PSMG2: variants seen among roughly 807,000 people sequenced by gnomAD.
PSMG2 encodes the protein proteasome assembly chaperone 2, also known as CD40 ligand-activated specific transcript 3.
In PSMG2, 21 loss-of-function variants were observed where a neutral mutation model predicts 31.5. That is an observed-to-expected ratio of 0.67 (90% CI 0.47 to 0.96). The LOEUF (loss-of-function observed/expected upper bound fraction) is 0.96. Ranked by LOEUF, PSMG2 falls within the 40% of genes least tolerant of loss-of-function variation. The pLI is 0.00. For missense variants in PSMG2, 318 were observed against 321.2 expected (o/e 0.99, Z 0.08); for synonymous variants, 120 against 110.4 (o/e 1.09, Z -0.54).
chr18:12,694,039 C>T (rs2039863848), intron 1 of PSMG2, among the ~76,000 whole-genome samples: 1 of 152,024 alleles, frequency 6.6e-6, no homozygotes, highest in Non-Finnish European at 1.5e-5. Context: ...CACTATGTTG[C>T]CCAAGCTGGT....
chr18:12,665,751 G>A (rs1036681487), intron 1 of PSMG2, among the ~76,000 whole-genome samples: 4 of 152,082 alleles, frequency 2.6e-5, no homozygotes, highest in African/African-American at 9.7e-5. Flanking sequence ...AGACTGGAGT[G>A]CATTGGCACA....
chr18:12,663,344 C>T (rs551144349), intron 1 of PSMG2: 1 of 152,342 alleles, frequency 6.6e-6, no homozygotes, highest in Admixed American at 6.5e-5. Flanking sequence ...ATGATCTCAG[C>T]TCACTGCAAT....
chr18:12,681,863 G>GT (rs2039360877), intron 1 of PSMG2, among the ~76,000 whole-genome samples: 2 of 151,960 alleles, frequency 1.3e-5, no homozygotes, highest in Admixed American at 1.3e-4. Context: ...GGGTATGGTG[G>GT]TGTGTGCCTG....
chr18:12,717,805 C>T (rs2040391945), intron 3 of PSMG2, among the ~76,000 whole-genome samples: 1 of 152,148 alleles, frequency 6.6e-6, no homozygotes, highest in Admixed American at 6.5e-5. Context: ...GTGGAGCATT[C>T]TCCATTCATC....
At chr18:12,666,153 CAA>C (rs35334528) in intron 1 of PSMG2, among the ~76,000 whole-genome samples, 46,542 of 116,850 alleles carry the variant, frequency 0.4, 7,364 homozygotes, top group Middle Eastern at 0.47. Context: ...CTCATCTCTA[CAA>C]AAAAAAAAAA....
chr18:12,688,926 AAC>A (rs2039646563), intron 1 of PSMG2, among the ~76,000 whole-genome samples: 1 of 152,110 alleles, frequency 6.6e-6, no homozygotes, highest in Non-Finnish European at 1.5e-5. Context: ...CATCCTGGCT[AAC>A]ACAGTGAAAC....
intron 2 of PSMG2, among the ~76,000 whole-genome samples, chr18:12,708,959 G>C (rs960604126): frequency 8.6e-5 from 13 of 151,992 alleles, no homozygotes; most frequent in African/African-American, 2.9e-4. Flanking sequence ...TGATCCGCCT[G>C]CCTCGTCCTC....
intron 1 of PSMG2, among the ~76,000 whole-genome samples, chr18:12,696,244 G>A (rs1285953775): frequency 2.0e-5 from 3 of 152,082 alleles, no homozygotes; most frequent in South Asian, 4.1e-4. Context: ...GGTGACTCAC[G>A]CCAATATCCC....
At chr18:12,674,932 TAG>T (rs1334425853) in intron 1 of PSMG2, among the ~76,000 whole-genome samples, 2 of 152,070 alleles carry the variant, frequency 1.3e-5, no homozygotes, top group Non-Finnish European at 2.9e-5. Flanking sequence ...AAAGGAACTA[TAG>T]GTGATCAGAT....
chr18:12,679,096 T>C (rs1428695506), intron 1 of PSMG2: 1 of 152,142 alleles, frequency 6.6e-6, no homozygotes, highest in African/African-American at 2.4e-5. Context: ...GGCCCAGGGC[T>C]GGGCCTCTAG....
At chr18:12,709,944 CTT>C (rs768131982) in intron 2 of PSMG2, among the ~76,000 whole-genome samples, 15 of 132,144 alleles carry the variant, frequency 1.1e-4, no homozygotes, top group South Asian at 9.9e-4. Context: ...CCCTCATAAA[CTT>C]TTTTTTTTTT....
chr18:12,682,017 A>G (rs965226121), intron 1 of PSMG2, among the ~76,000 whole-genome samples: 1 of 152,066 alleles, frequency 6.6e-6, no homozygotes, highest in Non-Finnish European at 1.5e-5. Context: ...AGAAAAAAAG[A>G]AAAGAAAATA....
chr18:12,671,843 T>C (rs1258116912), intron 1 of PSMG2, among the ~76,000 whole-genome samples: 1 of 152,034 alleles, frequency 6.6e-6, no homozygotes, highest in African/African-American at 2.4e-5. Flanking sequence ...TTTTTTGAGA[T>C]GGAGTATTGC....
At chr18:12,685,458 A>G (rs1221552828) in intron 1 of PSMG2, 1 of 152,166 alleles carries the variant, frequency 6.6e-6, no homozygotes, top group Non-Finnish European at 1.5e-5. Context: ...AGAAATCACA[A>G]TAAATAAGAA....
At chr18:12,666,748 C>T (rs1368363436) in intron 1 of PSMG2, among the ~76,000 whole-genome samples, 3 of 134,928 alleles carry the variant, frequency 2.2e-5, no homozygotes, top group African/African-American at 8.4e-5. Flanking sequence ...CACACCCGGC[C>T]AAAAAAAAAA....
chr18:12,705,568 A>T (rs1325913221), intron 1 of PSMG2, among the ~76,000 whole-genome samples: 3,955 of 126,540 alleles, frequency 0.031, 177 homozygotes, highest in African/African-American at 0.1. Flanking sequence ...AGAGAGAGAG[A>T]GAGAGAGAGT....
intron 1 of PSMG2, 48 bp from the exon 2 acceptor site, chr18:12,706,502 G>A (rs373044170): frequency 5.5e-4 from 874 of 1,584,080 alleles, no homozygotes; most frequent in Non-Finnish European, 6.4e-4. Context: ...ATAAAATAAA[G>A]TGCTGCTAAT....
intron 2 of PSMG2, among the ~76,000 whole-genome samples, chr18:12,711,735 C>T (rs1051680012): frequency 2.0e-5 from 3 of 148,444 alleles, no homozygotes; most frequent in Admixed American, 1.4e-4. Flanking sequence ...ATCCCTGACT[C>T]AGGAGCTTCT....
At chr18:12,713,603 A>T (rs1035836565) in intron 3 of PSMG2, among the ~76,000 whole-genome samples, 1 of 152,108 alleles carries the variant, frequency 6.6e-6, no homozygotes, top group Non-Finnish European at 1.5e-5. Context: ...AACGTGATGG[A>T]GAGTCAGCTT....
Sources: gnomAD v4.1 joint callset for allele counts (sites outside exome capture counted in the v4.1 genomes callset) on GRCh38, gnomAD v4.1.1 for gene constraint, MANE v1.5 for transcripts, NCBI Gene and HGNC (gene_info 2026-07-23, HGNC 2026-07-21) for gene names.